Variants in GADL1 observed in about 807,000 individuals in gnomAD.
The protein encoded by GADL1 is GAD like acidic amino acid decarboxylase 1, also known as acidic amino acid decarboxylase GADL1.
A neutral mutation model predicts 69.5 loss-of-function variants in GADL1; 71 were observed. The observed-to-expected ratio is 1.02, with a 90% CI of 0.84 to 1.25. The LOEUF (loss-of-function observed/expected upper bound fraction) is 1.25, where lower values mean the gene tolerates loss of function less well. Ranked by LOEUF, GADL1 falls within the 50% of genes most tolerant of loss-of-function variation. GADL1 has a pLI of 0.00. For synonymous variants in GADL1, 254 were observed against 214.4 expected (o/e 1.18, Z -1.62); for missense variants, 737 against 631.8 (o/e 1.17, Z -1.79).
chr3:30,755,564 C>T (rs1477418977), intron 14 of GADL1, among the ~76,000 whole-genome samples: 1 of 149,622 alleles, frequency 6.7e-6, no homozygotes, highest in African/African-American at 2.5e-5. Flanking sequence ...TATGTTACGA[C>T]AGGAAATCGT....
chr3:30,773,723 C>T (rs938262079), intron 14 of GADL1, among the ~76,000 whole-genome samples: 7 of 152,112 alleles, frequency 4.6e-5, no homozygotes, highest in African/African-American at 1.4e-4. Context: ...GAAATATTTG[C>T]TATTTTAAAA....
At chr3:30,844,832 G>C (rs563984177) in intron 6 of GADL1, among the ~76,000 whole-genome samples, 1 of 152,154 alleles carries the variant, frequency 6.6e-6, no homozygotes, top group Non-Finnish European at 1.5e-5. Flanking sequence ...CACAGAGCCT[G>C]GCACATGGAA....
intron 1 of GADL1, among the ~76,000 whole-genome samples, chr3:30,886,633 T>C (rs1698715227): frequency 6.6e-6 from 1 of 152,146 alleles, no homozygotes; most frequent in Admixed American, 6.5e-5. Flanking sequence ...CTTCTCAGCA[T>C]GGGGTTAGCT....
intron 14 of GADL1, among the ~76,000 whole-genome samples, chr3:30,760,887 A>G (rs2125485016): frequency 6.6e-6 from 1 of 152,252 alleles, no homozygotes; most frequent in South Asian, 2.1e-4. Context: ...GTAGAAAGGA[A>G]AGGACATAGG....
chr3:30,799,664 C>A (rs1697121501), intron 12 of GADL1: 1 of 152,150 alleles, frequency 6.6e-6, no homozygotes, highest in African/African-American at 2.4e-5. Flanking sequence ...TGGGTTTTTT[C>A]TACTGCATCG....
intron 14 of GADL1, among the ~76,000 whole-genome samples, chr3:30,771,717 C>T (rs984772637): frequency 9.9e-5 from 15 of 151,216 alleles, no homozygotes; most frequent in Non-Finnish European, 1.6e-4. Context: ...GCTTTTAGTT[C>T]ACAGTCCAAA....
Position 30,866,952 on chromosome 3 carries a change from A to G in GADL1, c.38-5187T>C, listed in dbSNP as rs1035004182. On this transcript the variant is annotated intron_variant, in intron 1 of 14. Transcript: ENST00000282538. ...GGAAGTCATCTTATCTAACCTTTTC[A>G]TACAATCCAATAATTCCCTCCACAA... Among the ~76,000 whole-genome samples, 4 of 152,038 alleles carry G rather than the reference A, an allele frequency of 2.6e-5. No homozygotes were observed. In the East Asian group the frequency reaches 5.8e-4, roughly 22 times the overall value.
At chr3:30,731,616 C>T (rs10510637) in intron 14 of GADL1, among the ~76,000 whole-genome samples, 13,064 of 152,194 alleles carry the variant, frequency 0.086, 1,508 homozygotes, top group African/African-American at 0.26. Context: ...ACTGTACTTC[C>T]ATGGGCAAAA....
rs57316615 is a variant in GADL1 at position 30,876,245 on chromosome 3, C to G, written c.38-14480G>C. On this transcript the variant is annotated intron_variant, in intron 1 of 14. Transcript: ENST00000282538. ...AAGTAACTTGCCCAAGGCTACACAG[C>G]TAGAAGGTATCAGAGATCAAATTCA... Among the ~76,000 whole-genome samples the G allele has an allele frequency of 0.015, 2,340 of 152,134 alleles. 106 individuals carry two copies. The East Asian group carries it at 0.16, about 11-fold the overall frequency.
At chr3:30,873,490 A>G (rs1047589736) in intron 1 of GADL1, among the ~76,000 whole-genome samples, 3 of 151,804 alleles carry the variant, frequency 2.0e-5, no homozygotes, top group Admixed American at 2.0e-4. Context: ...CCTTTTTTCC[A>G]AAAAAGGCAA....
At chr3:30,768,779 T>C (rs1696348716) in intron 14 of GADL1, among the ~76,000 whole-genome samples, 1 of 152,146 alleles carries the variant, frequency 6.6e-6, no homozygotes, top group Admixed American at 6.5e-5. Flanking sequence ...GAGTCTTTCT[T>C]GGTCTGGCAG....
At chr3:30,785,948 C>G (rs1696779668) in intron 13 of GADL1, among the ~76,000 whole-genome samples, 1 of 152,138 alleles carries the variant, frequency 6.6e-6, no homozygotes, top group African/African-American at 2.4e-5. Flanking sequence ...TGCTCCAAAG[C>G]TAATATGCTC....
intron 14 of GADL1, among the ~76,000 whole-genome samples, chr3:30,767,589 T>G (rs565931822): frequency 2.4e-4 from 36 of 152,246 alleles, no homozygotes; most frequent in African/African-American, 8.4e-4. Context: ...AACTTCTACA[T>G]GGATTAAGGA....
chr3:30,806,139 A>G (rs1418752810), intron 11 of GADL1, among the ~76,000 whole-genome samples: 2 of 152,096 alleles, frequency 1.3e-5, no homozygotes, highest in African/African-American at 4.8e-5. Flanking sequence ...TCAGCTCATC[A>G]AAGAAAAGCT....
At chr3:30,740,179 C>T (rs1050446679) in intron 14 of GADL1, among the ~76,000 whole-genome samples, 6 of 152,100 alleles carry the variant, frequency 3.9e-5, no homozygotes, top group African/African-American at 7.2e-5. Flanking sequence ...TTACCTGCTT[C>T]GTATGTCAGA....
chr3:30,857,230 C>A, intron 2 of GADL1, 89 bp from the exon 3 acceptor site: 5 of 1,109,838 alleles, frequency 4.5e-6, no homozygotes, highest in Non-Finnish European at 6.5e-6. Flanking sequence ...CATTACAAAG[C>A]TTCTGGGCAG....
chr3:30,756,887 G>A (rs1684197193), intron 14 of GADL1, among the ~76,000 whole-genome samples: 1 of 59,648 alleles, frequency 1.7e-5, no homozygotes, highest in Non-Finnish European at 3.0e-5. Flanking sequence ...TTAAACCACT[G>A]GAGTTTGGGG....
In GADL1 at chr3:30,800,745, T is replaced by A. The variant is rs1046235688; in HGVS notation, c.1250+144A>T. 8.9e-6 allele frequency: 6 copies of A among 673,772 alleles called. No individual in the cohort carries two copies. In the African/African-American group the frequency reaches 1.1e-4, roughly 12 times the overall value. 41.7% of individuals were successfully genotyped at this position (673,772 alleles called of 1,614,324 possible). A position where few individuals can be genotyped will look rare whatever the true frequency, so the allele number is the denominator to read the frequency against. The stretch of plus-strand genomic sequence containing the variant: ...ATGAAATAATGCACAAATGAAAACA[T>A]GTACTTGCAACACATTTCAAGTATT... On this transcript the variant is annotated intron_variant, in intron 12 of 14. Transcript: ENST00000282538.
chr3:30,768,800 C>G (rs192682951), intron 14 of GADL1, among the ~76,000 whole-genome samples: 1 of 152,228 alleles, frequency 6.6e-6, no homozygotes, highest in African/African-American at 2.4e-5. Flanking sequence ...AACCGGATAC[C>G]CTGACACCTG....
Sources: allele counts gnomAD v4.1 joint callset (sites outside exome capture counted in the v4.1 genomes callset), GRCh38; gene constraint gnomAD v4.1.1; transcripts MANE v1.5; gene names NCBI Gene and HGNC (gene_info 2026-07-23, HGNC 2026-07-21).